Variants in TMC7 observed in about 807,000 individuals in gnomAD.
TMC7 encodes transmembrane channel-like protein 7.
TMC7 carries 54 observed loss-of-function variants against 82.9 expected under a neutral mutation model. The observed-to-expected ratio is 0.65, with a 90% CI of 0.52 to 0.82. TMC7 has a LOEUF of 0.82. Ranked by LOEUF, TMC7 falls within the 40% of genes least tolerant of loss-of-function variation. The probability of loss-of-function intolerance (pLI) is 0.00; values close to 1 mark genes in which losing one functional copy is unlikely to be tolerated. For missense variants in TMC7, 820 were observed against 901.2 expected, an observed-to-expected ratio of 0.91 and a Z score of 1.15; for synonymous variants, 350 against 337.9, an observed-to-expected ratio of 1.04 and a Z score of -0.39.
chr16:18,984,314 G>A (rs1235239910), intron 1 of TMC7, 184 bp downstream of exon 1: 12 of 1,312,576 alleles, frequency 9.1e-6, no homozygotes, highest in Non-Finnish European at 1.2e-5. Flanking sequence ...CTCCACAAAC[G>A]CGTCCTCATC....
rs1959985685 is a variant in TMC7 at position 19,021,734 on chromosome 16, T to G, written c.566T>G (p.Val189Gly). 4 of 1,614,064 alleles carry G rather than the reference T, an allele frequency of 2.5e-6. No individual in the cohort carries two copies. Among genetic ancestry groups the G allele is most frequent in the South Asian group, 2.2e-5 (2 of 91,086 alleles). Residue 189 changes from valine (V) to glycine (G), a missense_variant, in exon 4 of 16, where the codon GTC becomes GGC. Physicochemically the swap from Val to Gly is moderately radical, Grantham distance 109. This residue lies in a region of TMC7 where 650 missense variants were observed against 669.9 expected (regional missense o/e 0.97). Transcript: ENST00000304381. The stretch of plus-strand genomic sequence containing the variant: ...ATCTTTATGCTGGTTTTGCTCCCAG[T>G]CTTACTCACGAAATACAAGATCACC... ...LIIFMLVLLP[V>G]LLTKYKITNS...
At chr16:19,000,208 G>GT (rs2039118199) in intron 1 of TMC7, among the ~76,000 whole-genome samples, 1 of 152,128 alleles carries the variant, frequency 6.6e-6, no homozygotes, top group East Asian at 1.9e-4. Flanking sequence ...GCTCACGCCT[G>GT]TAATCCCAGC....
chr16:19,004,341 A>ATTTTAT (rs2039197324), intron 1 of TMC7, among the ~76,000 whole-genome samples: 1 of 151,990 alleles, frequency 6.6e-6, no homozygotes, highest in African/African-American at 2.4e-5. Flanking sequence ...TTTGTATGGA[A>ATTTTAT]TTTTATTTTT....
At chr16:19,011,818 T>G (rs1959366400) in intron 2 of TMC7, among the ~76,000 whole-genome samples, 1 of 152,116 alleles carries the variant, frequency 6.6e-6, no homozygotes. Context: ...ATTTGGGTGG[T>G]CTTGTATTCT....
At chr16:19,051,620 C>A in intron 12 of TMC7, 66 bp from the exon 13 acceptor site, 2 of 1,567,024 alleles carry the variant, frequency 1.3e-6, no homozygotes, top group Non-Finnish European at 1.8e-6. Flanking sequence ...TGCAGGAATG[C>A]ACTTATTTAT....
At chr16:19,050,165 ATCGAGAC>A (rs1396539811) in intron 12 of TMC7, among the ~76,000 whole-genome samples, 1 of 151,856 alleles carries the variant, frequency 6.6e-6, no homozygotes, top group Non-Finnish European at 1.5e-5. Context: ...AGGTCAGGAG[ATCGAGAC>A]CATCCTGGCT....
At chr16:19,037,753 G>A (rs1960821472) in intron 7 of TMC7, 121 bp from the exon 8 acceptor site, 1 of 1,094,832 alleles carries the variant, frequency 9.1e-7, no homozygotes, top group East Asian at 2.6e-5. Context: ...GGTTACAGGA[G>A]TGAGCCACCA....
chr16:19,039,963 A>G (rs1310586775), intron 8 of TMC7, among the ~76,000 whole-genome samples: 2 of 151,848 alleles, frequency 1.3e-5, no homozygotes, highest in African/African-American at 4.8e-5. Context: ...TAAAAATACA[A>G]AAATTAGCCT....
intron 5 of TMC7, among the ~76,000 whole-genome samples, chr16:19,027,815 A>G (rs1276711526): frequency 6.6e-6 from 1 of 152,148 alleles, no homozygotes; most frequent in Non-Finnish European, 1.5e-5. Context: ...GATATGCACA[A>G]TTGTATAACG....
Position 19,040,330 on chromosome 16 carries a change from G to C in TMC7, c.1221G>C (p.Leu407Phe), listed in dbSNP as rs376911484. 1.2e-6 allele frequency: 2 copies of C among 1,613,738 alleles called. No homozygotes were observed. The highest frequency in any genetic ancestry group is 2.7e-5 in the African/African-American group (2 of 74,874). Residue 407 changes from leucine to phenylalanine, a missense_variant, in exon 9 of 16, where the codon TTG (leucine) becomes TTC (phenylalanine). Leu to Phe is a conservative substitution (Grantham distance 22, BLOSUM62 0). Around this residue, in one of 2 missense-constraint regions of TMC7, gnomAD observed 650 missense variants for 669.9 expected, o/e 0.97. Coordinates refer to ENST00000304381, the MANE Select transcript of TMC7 (RefSeq NM_024847.4). ...KMVFGENLFILYLPSIVITLA... is the reference protein window; with the variant it reads ...KMVFGENLFIFYLPSIVITLA... ...TTTTTGGAGAGAACCTCTTCATATT[G>C]TATCTACCGTCTATTGTGATCACGC...
intron 6 of TMC7, among the ~76,000 whole-genome samples, chr16:19,034,554 C>T (rs1429579277): frequency 6.6e-6 from 1 of 151,942 alleles, no homozygotes; most frequent in East Asian, 1.9e-4. Context: ...GCCGAGACTG[C>T]ACCACTGCAC....
At chr16:19,017,667 GTTT>G (rs35738895) in intron 3 of TMC7, among the ~76,000 whole-genome samples, 2,175 of 111,120 alleles carry the variant, frequency 0.02, 56 homozygotes, top group African/African-American at 0.069. Flanking sequence ...TCAAAAAACA[GTTT>G]TTTTTTTTTT....
Position 19,047,058 on chromosome 16 carries a change from T to C in TMC7, c.1554-5T>C. 6.3e-7 allele frequency: 1 copy of C among 1,597,058 alleles called. No individual in the cohort carries two copies. The highest frequency in any genetic ancestry group is 1.1e-5 in the South Asian group (1 of 88,488). On this transcript the variant is annotated splice_polypyrimidine_tract_variant and splice_region_variant and intron_variant, in intron 11 of 15. Coordinates refer to ENST00000304381, the MANE Select transcript of TMC7 (RefSeq NM_024847.4). ...GTAGCCCAAATGAGAATTGTCTGTT[T>C]CCAGGCTCCTGGTGACCTACTGTTC...
At chr16:19,051,332 ATGT>A (rs764223240) in intron 12 of TMC7, among the ~76,000 whole-genome samples, 1 of 149,392 alleles carries the variant, frequency 6.7e-6, no homozygotes, top group Admixed American at 6.8e-5. Flanking sequence ...TACATGTGCC[ATGT>A]TGTTGTGCTG....
intron 1 of TMC7, among the ~76,000 whole-genome samples, chr16:18,999,899 G>A (rs990188290): frequency 3.3e-5 from 5 of 152,048 alleles, no homozygotes; most frequent in African/African-American, 1.2e-4. Flanking sequence ...GAGTAGCTGG[G>A]ACTACAGGTG....
At chr16:19,028,951 G>A (rs956434302) in intron 5 of TMC7, among the ~76,000 whole-genome samples, 8 of 148,564 alleles carry the variant, frequency 5.4e-5, no homozygotes, top group African/African-American at 2.0e-4. Flanking sequence ...ACTGTGCCCG[G>A]CCGAGATTTG....
intron 3 of TMC7, among the ~76,000 whole-genome samples, chr16:19,019,068 T>C (rs1031398071): frequency 6.6e-6 from 1 of 152,206 alleles, no homozygotes; most frequent in Non-Finnish European, 1.5e-5. Flanking sequence ...CAGGCTGGTC[T>C]TGAATTCCTG....
At chr16:19,018,186 G>A (rs1959795841) in intron 3 of TMC7, among the ~76,000 whole-genome samples, 2 of 152,068 alleles carry the variant, frequency 1.3e-5, no homozygotes, top group South Asian at 4.2e-4. Flanking sequence ...ATCCTGAGTC[G>A]AGGTTCATCA....
At chr16:19,027,627 A>G (rs1960298334) in intron 5 of TMC7, among the ~76,000 whole-genome samples, 1 of 152,084 alleles carries the variant, frequency 6.6e-6, no homozygotes, top group South Asian at 2.1e-4. Context: ...CAGCCCTGAT[A>G]TCAGCCCTTG....
Sources: gnomAD v4.1 joint callset for allele counts (sites outside exome capture counted in the v4.1 genomes callset) on GRCh38, gnomAD v4.1.1 for gene constraint, gnomAD v4.1.1 regional missense constraint, MANE v1.5 for transcripts, NCBI Gene and HGNC (gene_info 2026-07-23, HGNC 2026-07-21) for gene names.